Variants in RAB3IP observed in about 807,000 individuals in gnomAD.
The protein encoded by RAB3IP is RAB3A interacting protein.
In RAB3IP, 36 loss-of-function variants were observed where a neutral mutation model predicts 59.1. The ratio of observed to expected loss-of-function variants is 0.61; its 90% CI spans 0.47 to 0.80. The LOEUF is 0.80. Among genes scored for constraint, RAB3IP ranks in the 30% least tolerant of loss-of-function variants. RAB3IP has a pLI of 0.00. For missense variants in RAB3IP, 511 were observed against 536.0 expected (o/e 0.95, Z 0.46); for synonymous variants, 207 against 191.2 (o/e 1.08, Z -0.68).
At chr12:69,805,293 T>G (rs965664283) in intron 8 of RAB3IP, among the ~76,000 whole-genome samples, 1 of 151,176 alleles carries the variant, frequency 6.6e-6, no homozygotes, top group Non-Finnish European at 1.5e-5. Flanking sequence ...TTTGGCTCTC[T>G]GTTTGTCTGT....
intron 3 of RAB3IP, among the ~76,000 whole-genome samples, chr12:69,760,820 C>T (rs1372301902): frequency 6.6e-6 from 1 of 152,112 alleles, no homozygotes; most frequent in African/African-American, 2.4e-5. Context: ...TCTCTGGCTG[C>T]TTATGAGAGT....
At chr12:69,782,854 A>G (rs11177845) in intron 3 of RAB3IP, among the ~76,000 whole-genome samples, 19,734 of 151,364 alleles carry the variant, frequency 0.13, 1,842 homozygotes, top group East Asian at 0.41. Flanking sequence ...TCTCTGGTCC[A>G]CTCAGGCAAG....
In RAB3IP at chr12:69,805,648, C is replaced by G. The variant is rs563984603; in HGVS notation, c.1130+3927C>G. Among the ~76,000 whole-genome samples, 1,451 of 151,466 alleles carry G rather than the reference C, an allele frequency of 9.6e-3. 20 individuals carry two copies. Among genetic ancestry groups the G allele is most frequent in the African/African-American group, 0.031 (1,275 of 41,104 alleles). ...GGCTGTGGGTTTGTCATAGATAGCTCTTATTATTTTGAAATACGTCCCATC... is the reference window on the plus strand; with the variant it reads ...GGCTGTGGGTTTGTCATAGATAGCTGTTATTATTTTGAAATACGTCCCATC... On this transcript the variant is annotated intron_variant, in intron 8 of 10. Coordinates refer to ENST00000247833, the MANE Select transcript of RAB3IP (RefSeq NM_022456.5).
chr12:69,746,804 G>T (rs11177824), intron 1 of RAB3IP, among the ~76,000 whole-genome samples: 1 of 152,102 alleles, frequency 6.6e-6, no homozygotes, highest in Non-Finnish European at 1.5e-5. Context: ...TTTAATCTCA[G>T]AAACTGTTTC....
rs1290353986 is a variant in RAB3IP, at chr12:69,818,287, A to C, written c.*2841A>C. ...ATAGGGAGACCACATCTGCACAAAA[A>C]GATTTTTTTGAATTAGCTGGGCATG... On this transcript the variant is annotated 3_prime_UTR_variant, in exon 11 of 11. Transcript: ENST00000247833. The C allele has an allele frequency of 3.3e-5, 5 of 152,206 alleles. No homozygotes were observed. The highest frequency in any genetic ancestry group is 1.2e-4 in the African/African-American group (5 of 41,452). The allele number at this position is 152,206 out of a possible 1,614,324, so 9.4% of individuals were successfully genotyped here. A position where few individuals can be genotyped will look rare whatever the true frequency, so the allele number is the denominator to read the frequency against.
intron 3 of RAB3IP, among the ~76,000 whole-genome samples, chr12:69,781,149 C>T (rs1325683371): frequency 1.3e-5 from 2 of 152,086 alleles, no homozygotes; most frequent in African/African-American, 2.4e-5. Context: ...TGTTATTTTA[C>T]ATCCCTTGAG....
At chr12:69,744,755 A>C (rs561929618) in intron 1 of RAB3IP, among the ~76,000 whole-genome samples, 1 of 152,172 alleles carries the variant, frequency 6.6e-6, no homozygotes, top group Admixed American at 6.5e-5. Flanking sequence ...ATTATAATAA[A>C]AATGGGAAAA....
Position 69,779,411 on chromosome 12 carries a change from G to C in RAB3IP, c.511-5309G>C, listed in dbSNP as rs186884541. On this transcript the variant is annotated intron_variant, in intron 3 of 10. Coordinates refer to ENST00000247833, the MANE Select transcript of RAB3IP (RefSeq NM_022456.5). ...ACGCTGGTAGCTGTAGACCGGAGCT[G>C]TTCCTATTCGGCCATCTTGGCTCCT... Among the ~76,000 whole-genome samples, 493 of 152,184 alleles carry C rather than the reference G, an allele frequency of 3.2e-3. 5 individuals carry two copies. Among genetic ancestry groups the C allele is most frequent in the African/African-American group, 0.011 (442 of 41,538 alleles).
At chr12:69,810,101 A>T (rs949690374) in intron 8 of RAB3IP, among the ~76,000 whole-genome samples, 1 of 152,100 alleles carries the variant, frequency 6.6e-6, no homozygotes, top group Non-Finnish European at 1.5e-5. Context: ...TCTGTTTGTT[A>T]GTTTTCCTTC....
At chr12:69,788,624 A>G (rs1022020643) in intron 4 of RAB3IP, among the ~76,000 whole-genome samples, 1 of 152,136 alleles carries the variant, frequency 6.6e-6, no homozygotes, top group Non-Finnish European at 1.5e-5. Flanking sequence ...CTTCAATACC[A>G]CAGTCTCTCT....
At chr12:69,810,697 G>T (rs925787269) in intron 8 of RAB3IP, among the ~76,000 whole-genome samples, 9 of 150,312 alleles carry the variant, frequency 6.0e-5, no homozygotes, top group African/African-American at 1.7e-4. Context: ...GGGGTGGGGG[G>T]ATGGGTAAAG....
intron 3 of RAB3IP, among the ~76,000 whole-genome samples, chr12:69,758,174 A>G (rs929273794): frequency 6.6e-6 from 1 of 152,202 alleles, no homozygotes; most frequent in East Asian, 1.9e-4. Flanking sequence ...GCCATTTTCT[A>G]TACTTTTTAC....
chr12:69,808,730 T>A (rs1004602502), intron 8 of RAB3IP, among the ~76,000 whole-genome samples: 3 of 152,186 alleles, frequency 2.0e-5, no homozygotes, highest in Non-Finnish European at 4.4e-5. Flanking sequence ...ACCCCTGCCT[T>A]TTTTTGTTTT....
At chr12:69,786,589 A>G (rs115866686) in intron 4 of RAB3IP, among the ~76,000 whole-genome samples, 1 of 152,108 alleles carries the variant, frequency 6.6e-6, no homozygotes, top group Non-Finnish European at 1.5e-5. Context: ...TTGTAGTGAT[A>G]TGGATATTAG....
intron 8 of RAB3IP, among the ~76,000 whole-genome samples, chr12:69,806,304 C>G (rs571729977): frequency 6.6e-6 from 1 of 152,268 alleles, no homozygotes; most frequent in East Asian, 1.9e-4. Flanking sequence ...ATAGTATTCT[C>G]TGATGGTAGT....
chr12:69,768,815 C>T (rs1195432399), intron 3 of RAB3IP, among the ~76,000 whole-genome samples: 1 of 152,104 alleles, frequency 6.6e-6, no homozygotes, highest in Non-Finnish European at 1.5e-5. Context: ...CACTCTAAAA[C>T]AGGTGCTCCA....
chr12:69,758,629 C>A (rs1382242265), intron 3 of RAB3IP, among the ~76,000 whole-genome samples: 3 of 151,988 alleles, frequency 2.0e-5, no homozygotes, highest in Admixed American at 6.6e-5. Context: ...TGTGTTTAAA[C>A]CCCACAAAAC....
At position 69,763,604 on chromosome 12, in the gene RAB3IP, A is replaced by C. The variant is rs146132261; in HGVS notation, c.510+6941A>C. 4.9e-4 allele frequency among the ~76,000 whole-genome samples: 74 copies of C among 152,210 alleles called. 3 individuals are homozygous for C. Among genetic ancestry groups the C allele is most frequent in the Admixed American group, 4.0e-3 (61 of 15,298 alleles). On this transcript the variant is annotated intron_variant, in intron 3 of 10. Coordinates refer to ENST00000247833, the MANE Select transcript of RAB3IP (RefSeq NM_022456.5). The stretch of plus-strand genomic sequence containing the variant: ...TCAGGATCTTGATCTCACTTGTTAA[A>C]ATTTTTTTTTCTTCAACTTTTATTT...
At chr12:69,740,005 A>G (rs116432317) in intron 1 of RAB3IP, 11 of 761,978 alleles carry the variant, frequency 1.4e-5, no homozygotes, top group African/African-American at 1.4e-4. Context: ...CCTTCCGTTC[A>G]GTGTCGGGTT....
Sources: gnomAD v4.1 joint callset for allele counts (sites outside exome capture counted in the v4.1 genomes callset) on GRCh38, gnomAD v4.1.1 for gene constraint, MANE v1.5 for transcripts, NCBI Gene and HGNC (gene_info 2026-07-23, HGNC 2026-07-21) for gene names.